ARL8B: variants seen among roughly 807,000 people sequenced by gnomAD.
ARL8B encodes ARF like GTPase 8B.
ARL8B carries 9 observed loss-of-function variants against 30.6 expected under a neutral mutation model. The ratio of observed to expected loss-of-function variants is 0.29; its 90% CI spans 0.18 to 0.51. The LOEUF (loss-of-function observed/expected upper bound fraction) is 0.51, where lower values mean the gene tolerates loss of function less well. Among genes scored for constraint, ARL8B ranks in the 20% least tolerant of loss-of-function variants. The pLI is 0.97. For synonymous variants in ARL8B, 74 were observed against 76.0 expected (o/e 0.97, Z 0.14); for missense variants, 130 against 227.2 (o/e 0.57, Z 2.75).
At chr3:5,136,582 T>C (rs961554185) in intron 1 of ARL8B, among the ~76,000 whole-genome samples, 3 of 152,236 alleles carry the variant, frequency 2.0e-5, no homozygotes, top group African/African-American at 7.2e-5. Context: ...TCTACTCTAC[T>C]AGCTGTTAGT....
At chr3:5,138,187 T>TA (rs1338610532) in intron 1 of ARL8B, among the ~76,000 whole-genome samples, 7 of 136,948 alleles carry the variant, frequency 5.1e-5, no homozygotes, top group African/African-American at 2.1e-4. Context: ...GTGATTGCTC[T>TA]AAGTTTTTTT....
intron 6 of ARL8B, among the ~76,000 whole-genome samples, chr3:5,175,355 A>G (rs1288048853): frequency 6.6e-6 from 1 of 152,222 alleles, no homozygotes; most frequent in East Asian, 1.9e-4. Context: ...TCGTGAGGTT[A>G]AGATTATGTG....
At chr3:5,146,106 C>T (rs948085262) in intron 1 of ARL8B, among the ~76,000 whole-genome samples, 3 of 152,168 alleles carry the variant, frequency 2.0e-5, no homozygotes, top group South Asian at 2.1e-4. Context: ...TTGGGGCTTC[C>T]GTGAAGCCTT....
chr3:5,173,202 A>T (rs2054692222), intron 4 of ARL8B, among the ~76,000 whole-genome samples: 1 of 152,174 alleles, frequency 6.6e-6, no homozygotes, highest in Admixed American at 6.5e-5. Flanking sequence ...GATCCAAGGG[A>T]TACATACAAA....
At position 5,124,256 on chromosome 3, in the gene ARL8B, ATTTT is replaced by A. The variant is rs35897178; in HGVS notation, c.123+1693_123+1696del. ...GTGGAATGTGTATCTAATACCACTA[ATTTT>A]TTTTTTTTTTTTTTTTTTTTTTTTC... On this transcript the variant is annotated intron_variant, in intron 1 of 6. Transcript: ENST00000256496. Among the ~76,000 whole-genome samples, 726 of 105,636 alleles carry A rather than the reference ATTTT, an allele frequency of 6.9e-3. 9 individuals carry two copies. Among genetic ancestry groups the A allele is most frequent in the African/African-American group, 0.025 (682 of 26,976 alleles). The allele number at this position is 105,636 out of a possible 152,430, so 69.3% of individuals were successfully genotyped here.
chr3:5,131,254 A>G (rs534513884), intron 1 of ARL8B, among the ~76,000 whole-genome samples: 1 of 152,150 alleles, frequency 6.6e-6, no homozygotes, highest in Non-Finnish European at 1.5e-5. Flanking sequence ...TAATGCCAAT[A>G]CATGGACTTC....
At chr3:5,141,559 G>A (rs551546521) in intron 1 of ARL8B, among the ~76,000 whole-genome samples, 1 of 152,298 alleles carries the variant, frequency 6.6e-6, no homozygotes, top group East Asian at 1.9e-4. Context: ...AAGGATTGAA[G>A]CCACCATGCC....
Position 5,180,473 on chromosome 3 carries a change from A to G in ARL8B, c.*1760A>G, listed in dbSNP as rs984817673. ...CTTGTGCCTAAAAGGAGGAATTGGAACTAGAATGTGTGACTCTGTGGGGAC... is the reference window on the plus strand; with the variant it reads ...CTTGTGCCTAAAAGGAGGAATTGGAGCTAGAATGTGTGACTCTGTGGGGAC... On this transcript the variant is annotated 3_prime_UTR_variant, in exon 7 of 7. Coordinates refer to ENST00000256496, the MANE Select transcript of ARL8B (RefSeq NM_018184.3). 12 of 152,590 alleles carry G rather than the reference A, an allele frequency of 7.9e-5. No homozygotes were observed. Among genetic ancestry groups the G allele is most frequent in the African/African-American group, 2.4e-4 (10 of 41,582 alleles). 9.5% of individuals were successfully genotyped at this position (152,590 alleles called of 1,614,324 possible). A position where few individuals can be genotyped will look rare whatever the true frequency, so the allele number is the denominator to read the frequency against.
intron 4 of ARL8B, 75 bp downstream of exon 4, chr3:5,172,815 T>G (rs2054687741): frequency 2.0e-6 from 2 of 985,726 alleles, no homozygotes; most frequent in African/African-American, 3.3e-5. Flanking sequence ...GCAGTGATAT[T>G]AATTATGTTT....
intron 1 of ARL8B, among the ~76,000 whole-genome samples, chr3:5,136,748 T>G (rs1453959388): frequency 7.3e-6 from 1 of 137,282 alleles, no homozygotes; most frequent in Admixed American, 7.1e-5. Flanking sequence ...AATGTTAGAT[T>G]GTGGTAATGA....
intron 1 of ARL8B, among the ~76,000 whole-genome samples, chr3:5,160,414 A>G (rs2054570746): frequency 6.6e-6 from 1 of 152,218 alleles, no homozygotes; most frequent in Non-Finnish European, 1.5e-5. Context: ...TAGAGTGATC[A>G]TATGAAATAA....
intron 1 of ARL8B, among the ~76,000 whole-genome samples, chr3:5,160,429 T>G (rs2054570905): frequency 6.6e-6 from 1 of 152,206 alleles, no homozygotes; most frequent in East Asian, 1.9e-4. Context: ...AAATAATCTT[T>G]AGAGACCTTT....
rs1372578878 is a variant in ARL8B, at chr3:5,131,004, G to A, written c.123+8416G>A. On this transcript the variant is annotated intron_variant, in intron 1 of 6. Coordinates refer to ENST00000256496, the MANE Select transcript of ARL8B (RefSeq NM_018184.3). ...ATCCATGCTGGGAGTGCAGTGGCAC[G>A]GGGATTCAAGTGATTCTCCTGCCTC... is the stretch of plus-strand genomic sequence containing the variant. Among the ~76,000 whole-genome samples, 8 of 151,106 alleles carry A rather than the reference G, an allele frequency of 5.3e-5. No individual in the cohort carries two copies. In the East Asian group the frequency reaches 1.2e-3, roughly 22 times the overall value.
At chr3:5,142,031 G>C (rs2054378945) in intron 1 of ARL8B, among the ~76,000 whole-genome samples, 1 of 152,138 alleles carries the variant, frequency 6.6e-6, no homozygotes, top group African/African-American at 2.4e-5. Flanking sequence ...CATTAAAAGA[G>C]TTTGTCAAAT....
chr3:5,171,838 C>G (rs776210831), intron 2 of ARL8B, among the ~76,000 whole-genome samples: 6 of 152,178 alleles, frequency 3.9e-5, no homozygotes, highest in Non-Finnish European at 8.8e-5. Flanking sequence ...AAATTGTTAT[C>G]ATAAAGACAT....
At chr3:5,124,685 C>T (rs773222460) in intron 1 of ARL8B, among the ~76,000 whole-genome samples, 4 of 151,976 alleles carry the variant, frequency 2.6e-5, no homozygotes, top group Non-Finnish European at 4.4e-5. Flanking sequence ...GCTATGTTGC[C>T]AGGGCTGGTC....
rs755510556 is a variant in ARL8B at position 5,178,981 on chromosome 3, A to G, written c.*268A>G. The G allele has an allele frequency of 1.4e-4, 48 of 352,432 alleles. 1 individual carries two copies. The highest frequency in any genetic ancestry group is 2.2e-4 in the Non-Finnish European group (45 of 204,734). The allele number at this position is 352,432 out of a possible 1,614,324, so 21.8% of individuals were successfully genotyped here. A position where few individuals can be genotyped will look rare whatever the true frequency, so the allele number is the denominator to read the frequency against. On this transcript the variant is annotated 3_prime_UTR_variant, in exon 7 of 7. Coordinates refer to ENST00000256496, the MANE Select transcript of ARL8B (RefSeq NM_018184.3). ...TGTGTAGAGCTTTAAAAACAGAAAAAAAACCCCATATACTTATGACCATCT... is the reference window on the plus strand; with the variant it reads ...TGTGTAGAGCTTTAAAAACAGAAAAGAAACCCCATATACTTATGACCATCT...
chr3:5,145,632 T>C (rs2054412547), intron 1 of ARL8B, among the ~76,000 whole-genome samples: 1 of 152,242 alleles, frequency 6.6e-6, no homozygotes, highest in South Asian at 2.1e-4. Flanking sequence ...GGGCCGGGGC[T>C]GTAATGAGGG....
At chr3:5,167,297 A>G (rs1055682195) in intron 1 of ARL8B, among the ~76,000 whole-genome samples, 1 of 152,218 alleles carries the variant, frequency 6.6e-6, no homozygotes, top group Non-Finnish European at 1.5e-5. Flanking sequence ...GAAAGCATAC[A>G]GTAGTCCCTC....
Sources: allele counts gnomAD v4.1 joint callset (sites outside exome capture counted in the v4.1 genomes callset), GRCh38; gene constraint gnomAD v4.1.1; transcripts MANE v1.5; gene names NCBI Gene and HGNC (gene_info 2026-07-23, HGNC 2026-07-21).